The following CCSER1 variants were observed in gnomAD, a reference collection of about 807,000 sequenced individuals.
The protein encoded by CCSER1 is coiled-coil serine rich protein 1.
A neutral mutation model predicts 82.0 loss-of-function variants in CCSER1; 41 were observed. That is an observed-to-expected ratio of 0.50 (90% CI 0.39 to 0.65). The LOEUF is 0.65. Among genes scored for constraint, CCSER1 ranks in the 30% least tolerant of loss-of-function variants. The pLI is 0.00. For synonymous variants in CCSER1, 414 were observed against 383.9 expected (o/e 1.08, Z -0.92); for missense variants, 1,119 against 1,064.2 (o/e 1.05, Z -0.72).
intron 10 of CCSER1, among the ~76,000 whole-genome samples, chr4:91,207,472 C>T (rs1736442762): frequency 6.6e-6 from 1 of 151,798 alleles, no homozygotes; most frequent in Non-Finnish European, 1.5e-5. Context: ...TAAGTGAGAA[C>T]ACATGGTATT....
At chr4:91,440,181 C>G (rs973102403) in intron 10 of CCSER1, among the ~76,000 whole-genome samples, 1 of 152,138 alleles carries the variant, frequency 6.6e-6, no homozygotes, top group Non-Finnish European at 1.5e-5. Flanking sequence ...AGCAGCACAC[C>G]ATGCCTATTC....
intron 7 of CCSER1, among the ~76,000 whole-genome samples, chr4:90,744,337 T>C (rs1747047540): frequency 6.6e-6 from 1 of 152,158 alleles, no homozygotes; most frequent in African/African-American, 2.4e-5. Context: ...GGTCAAAAAT[T>C]GAGCAAGTAA....
intron 10 of CCSER1, among the ~76,000 whole-genome samples, chr4:91,141,434 G>A (rs1729019067): frequency 6.6e-6 from 1 of 152,182 alleles, no homozygotes; most frequent in African/African-American, 2.4e-5. Flanking sequence ...TTATAGGCAT[G>A]AACCACCATG....
intron 3 of CCSER1, among the ~76,000 whole-genome samples, chr4:90,391,649 A>C (rs994580306): frequency 3.3e-5 from 5 of 151,082 alleles, no homozygotes; most frequent in Non-Finnish European, 7.4e-5. Flanking sequence ...ATGGGTAATG[A>C]GTAGTGTGTA....
At chr4:91,479,148 A>T (rs1016892675) in intron 10 of CCSER1, among the ~76,000 whole-genome samples, 1 of 151,672 alleles carries the variant, frequency 6.6e-6, no homozygotes, top group South Asian at 2.1e-4. Flanking sequence ...TCAGCAAAAT[A>T]AAAACATTTT....
chr4:91,118,177 A>G (rs1045252698), intron 10 of CCSER1, among the ~76,000 whole-genome samples: 1 of 152,170 alleles, frequency 6.6e-6, no homozygotes, highest in African/African-American at 2.4e-5. Context: ...GAGTGCTCTA[A>G]AAACAGAAGT....
chr4:90,939,355 G>T (rs925082582), intron 9 of CCSER1, among the ~76,000 whole-genome samples: 2 of 152,196 alleles, frequency 1.3e-5, no homozygotes, highest in African/African-American at 4.8e-5. Context: ...CATATTAAAG[G>T]GAGTCTCCTG....
intron 10 of CCSER1, among the ~76,000 whole-genome samples, chr4:91,541,718 T>C (rs1761610124): frequency 6.6e-6 from 1 of 152,154 alleles, no homozygotes; most frequent in Non-Finnish European, 1.5e-5. Context: ...AGCAGCATGA[T>C]TTATAATCCT....
intron 8 of CCSER1, among the ~76,000 whole-genome samples, chr4:90,831,050 CAG>C (rs2149821772): frequency 6.6e-6 from 1 of 152,076 alleles, no homozygotes; most frequent in South Asian, 2.1e-4. Flanking sequence ...GTATTACAAA[CAG>C]GGGAACTGAG....
intron 5 of CCSER1, among the ~76,000 whole-genome samples, chr4:90,585,042 A>T (rs1781838378): frequency 6.6e-6 from 1 of 152,204 alleles, no homozygotes; most frequent in African/African-American, 2.4e-5. Flanking sequence ...AAGAAATCAA[A>T]CAATTCAATT....
At chr4:90,595,033 G>C (rs968949814) in intron 5 of CCSER1, among the ~76,000 whole-genome samples, 1 of 151,622 alleles carries the variant, frequency 6.6e-6, no homozygotes, top group African/African-American at 2.4e-5. Flanking sequence ...TGATTTCATC[G>C]ATCTATTAAC....
chr4:90,711,603 C>T (rs983608520), intron 6 of CCSER1, among the ~76,000 whole-genome samples: 1 of 151,840 alleles, frequency 6.6e-6, no homozygotes, highest in African/African-American at 2.4e-5. Context: ...GCGGCTTTCA[C>T]TTTTGTTCTG....
intron 10 of CCSER1, among the ~76,000 whole-genome samples, chr4:91,119,359 A>G (rs1726892974): frequency 6.6e-6 from 1 of 152,028 alleles, no homozygotes; most frequent in South Asian, 2.1e-4. Context: ...GCAAAATTAT[A>G]TATATATAAA....
intron 10 of CCSER1, among the ~76,000 whole-genome samples, chr4:91,147,728 G>A (rs111377178): frequency 1.9e-4 from 29 of 152,194 alleles, no homozygotes; most frequent in African/African-American, 6.7e-4. Context: ...TATTTTAATT[G>A]TTCACCAAAA....
Position 91,437,142 on chromosome 4 carries a change from A to G in CCSER1, c.2218-161430A>G, listed in dbSNP as rs186111706. On this transcript the variant is annotated intron_variant, in intron 10 of 10. Coordinates refer to ENST00000509176, the MANE Select transcript of CCSER1 (RefSeq NM_001145065.2). ...TTAAGATTCAGACTTTCAGAGAGAA[A>G]GGAAAATATGAGAAATAAATGTCAG... Among the ~76,000 whole-genome samples, 402 of 152,348 alleles carry G rather than the reference A, an allele frequency of 2.6e-3. 1 individual carries two copies. Among genetic ancestry groups the G allele is most frequent in the Non-Finnish European group, 3.5e-3 (241 of 68,024 alleles).
At chr4:90,181,637 T>C (rs1733748286) in intron 1 of CCSER1, among the ~76,000 whole-genome samples, 1 of 152,154 alleles carries the variant, frequency 6.6e-6, no homozygotes, top group Non-Finnish European at 1.5e-5. Context: ...TCCAAGAGGC[T>C]CCTCAATTTT....
intron 10 of CCSER1, among the ~76,000 whole-genome samples, chr4:91,557,859 A>G (rs1762475018): frequency 6.6e-6 from 1 of 151,402 alleles, no homozygotes; most frequent in African/African-American, 2.4e-5. Context: ...CAAAGTTTTT[A>G]GATTTCATAT....
rs766554086 is a variant in CCSER1, at chr4:90,308,670, G to T, written c.386G>T (p.Arg129Ile). 6.2e-7 allele frequency: 1 copy of T among 1,613,576 alleles called. No homozygotes were observed. Among genetic ancestry groups the T allele is most frequent in the Non-Finnish European group, 8.5e-7 (1 of 1,179,772 alleles). The change falls in exon 2 of 11, where the codon AGA (arginine) becomes ATA (isoleucine). Residue 129 changes from arginine to isoleucine, a missense_variant. Physicochemically the swap from Arg to Ile is moderately conservative, Grantham distance 97. Coordinates refer to ENST00000509176, the MANE Select transcript of CCSER1 (RefSeq NM_001145065.2). ...FSSSRNKKIT[R>I]SLTEDFEREK... ...AGTTCACGAAATAAGAAGATAACAA[G>T]ATCTTTGACAGAGGATTTTGAAAGG...
At chr4:90,142,174 A>G (rs1293460854) in intron 1 of CCSER1, among the ~76,000 whole-genome samples, 2 of 152,146 alleles carry the variant, frequency 1.3e-5, no homozygotes, top group Non-Finnish European at 2.9e-5. Context: ...AGCTCACCAC[A>G]CTTTGTTAAT....
Sources: allele counts gnomAD v4.1 joint callset (sites outside exome capture counted in the v4.1 genomes callset), GRCh38; gene constraint gnomAD v4.1.1; transcripts MANE v1.5; gene names NCBI Gene and HGNC (gene_info 2026-07-23, HGNC 2026-07-21).